Variants in FBXL20 observed in about 807,000 individuals in gnomAD.
FBXL20 encodes F-box and leucine rich repeat protein 20.
A neutral mutation model predicts 64.0 loss-of-function variants in FBXL20; 11 were observed. The ratio of observed to expected loss-of-function variants is 0.17; its 90% CI spans 0.11 to 0.28. The LOEUF is 0.28. FBXL20 is among the 10% of genes least tolerant of loss of function. The pLI is 1.00. For synonymous variants in FBXL20, 184 were observed against 189.0 expected, an observed-to-expected ratio of 0.97 and a Z score of 0.22; for missense variants, 303 against 526.2, an observed-to-expected ratio of 0.58 and a Z score of 4.15.
In FBXL20 at chr17:39,261,021, C is replaced by T. The variant is rs568791598; in HGVS notation, c.*439G>A. ...GATGCAAAGAAATTTTCTTTCTGGTCCCTGGGTACATCATATATTGTCTTT... is the reference window on the plus strand; with the variant it reads ...GATGCAAAGAAATTTTCTTTCTGGTTCCTGGGTACATCATATATTGTCTTT... On this transcript the variant is annotated 3_prime_UTR_variant, in exon 15 of 15. Coordinates refer to ENST00000264658, the MANE Select transcript of FBXL20 (RefSeq NM_032875.3). The T allele has an allele frequency of 1.2e-5, 2 of 163,198 alleles. No homozygotes were observed. Among genetic ancestry groups the T allele is most frequent in the African/African-American group, 4.8e-5 (2 of 41,608 alleles). The allele number at this position is 163,198 out of a possible 1,614,324, so 10.1% of individuals were successfully genotyped here.
intron 1 of FBXL20, among the ~76,000 whole-genome samples, chr17:39,355,498 A>T (rs1266025303): frequency 6.6e-6 from 1 of 152,100 alleles, no homozygotes; most frequent in Non-Finnish European, 1.5e-5. Flanking sequence ...CTGACACACT[A>T]CTGTTTTTAA....
rs1393680627 is a variant in FBXL20 at position 39,261,071 on chromosome 17, AC to A, written c.*388del. 1 of 190,074 alleles carries A rather than the reference AC, an allele frequency of 5.3e-6. No homozygotes were observed. Among genetic ancestry groups the A allele is most frequent in the Non-Finnish European group, 1.1e-5 (1 of 90,124 alleles). The allele number at this position is 190,074 out of a possible 1,614,324, so 11.8% of individuals were successfully genotyped here. On this transcript the variant is annotated 3_prime_UTR_variant, in exon 15 of 15. Coordinates refer to ENST00000264658, the MANE Select transcript of FBXL20 (RefSeq NM_032875.3). ...TCCATGCTTTTCTTGACCCCGGAGG[AC>A]AGCAGATGCTGTTCTAAAATCCCCA...
chr17:39,277,149 T>C (rs1417124128), intron 9 of FBXL20, among the ~76,000 whole-genome samples: 1 of 152,336 alleles, frequency 6.6e-6, no homozygotes, highest in African/African-American at 2.4e-5. Context: ...TTCAATATCA[T>C]GTAGCTGACA....
At chr17:39,292,616 C>T (rs1006573591) in intron 6 of FBXL20, among the ~76,000 whole-genome samples, 1 of 143,814 alleles carries the variant, frequency 7.0e-6, no homozygotes, top group Non-Finnish European at 1.5e-5. Context: ...ACTTCTGGGT[C>T]TATTTCTTTT....
intron 1 of FBXL20, among the ~76,000 whole-genome samples, chr17:39,388,979 CTA>C (rs1430748648): frequency 6.7e-6 from 1 of 150,360 alleles, no homozygotes; most frequent in Non-Finnish European, 1.5e-5. Context: ...TGGCAGGCGC[CTA>C]TAATCCCAGC....
chr17:39,311,761 C>T (rs2047237233), intron 2 of FBXL20, among the ~76,000 whole-genome samples: 1 of 152,180 alleles, frequency 6.6e-6, no homozygotes, highest in South Asian at 2.1e-4. Flanking sequence ...TTTGCCAAAA[C>T]ATCACTAACT....
intron 2 of FBXL20, among the ~76,000 whole-genome samples, chr17:39,326,118 T>A (rs1049903837): frequency 1.3e-5 from 2 of 152,090 alleles, no homozygotes; most frequent in African/African-American, 4.8e-5. Context: ...AGCTCCCCCT[T>A]TGCCTTCTGC....
At chr17:39,355,535 G>C (rs2047727364) in intron 1 of FBXL20, among the ~76,000 whole-genome samples, 1 of 151,448 alleles carries the variant, frequency 6.6e-6, no homozygotes, top group Admixed American at 6.6e-5. Flanking sequence ...TTTTTTTCTT[G>C]ATGTATCATG....
chr17:39,328,921 A>G (rs2047434989), intron 2 of FBXL20, among the ~76,000 whole-genome samples: 1 of 152,048 alleles, frequency 6.6e-6, no homozygotes, highest in Non-Finnish European at 1.5e-5. Context: ...AGGCATGGTG[A>G]GGCATGCCTG....
chr17:39,338,902 C>G (rs1202463621), intron 2 of FBXL20, among the ~76,000 whole-genome samples: 2 of 152,110 alleles, frequency 1.3e-5, no homozygotes, highest in South Asian at 2.1e-4. Context: ...TAAAACAGCT[C>G]ATGCCTGTAA....
intron 2 of FBXL20, among the ~76,000 whole-genome samples, chr17:39,327,400 A>T (rs1156878627): frequency 6.6e-6 from 1 of 152,216 alleles, no homozygotes. Flanking sequence ...CATATTATGG[A>T]GTTATATTTC....
chr17:39,261,173 T>TAA lies in FBXL20; in HGVS notation c.*286_*287insTT. On this transcript the variant is annotated 3_prime_UTR_variant, in exon 15 of 15. Transcript: ENST00000264658. ...TTTGCTGGAATGCCCCTCCCTATCT[T>TAA]GGCCTATGATTTTCTTATGGGCACC... The TAA allele has an allele frequency of 3.1e-6, 1 of 324,196 alleles. No homozygotes were observed. The highest frequency in any genetic ancestry group is 3.1e-5 in the South Asian group (1 of 32,232). 20.1% of individuals were successfully genotyped at this position (324,196 alleles called of 1,614,324 possible). A position where few individuals can be genotyped will look rare whatever the true frequency, so the allele number is the denominator to read the frequency against.
chr17:39,356,943 C>A (rs1275725748), intron 1 of FBXL20, among the ~76,000 whole-genome samples: 1 of 149,928 alleles, frequency 6.7e-6, no homozygotes, highest in African/African-American at 2.4e-5. Flanking sequence ...GGATTACAGG[C>A]ATGAGCTATC....
chr17:39,351,254 C>A (rs187714617), intron 1 of FBXL20, among the ~76,000 whole-genome samples: 7 of 149,122 alleles, frequency 4.7e-5, no homozygotes, highest in African/African-American at 1.7e-4. Flanking sequence ...GAGAATTGCT[C>A]GAAACCGGGA....
intron 2 of FBXL20, among the ~76,000 whole-genome samples, chr17:39,313,540 T>C (rs1388007964): frequency 1.3e-5 from 2 of 152,070 alleles, no homozygotes; most frequent in African/African-American, 4.8e-5. Flanking sequence ...GCCGAGATAA[T>C]TATCTTTAGA....
chr17:39,394,667 C>A (rs184340917), intron 1 of FBXL20, among the ~76,000 whole-genome samples: 1 of 151,846 alleles, frequency 6.6e-6, no homozygotes, highest in African/African-American at 2.4e-5. Context: ...CGGTTTCAAG[C>A]GATTCTCCCA....
intron 1 of FBXL20, among the ~76,000 whole-genome samples, chr17:39,352,412 G>C (rs1249901033): frequency 1.3e-5 from 2 of 152,010 alleles, no homozygotes; most frequent in African/African-American, 4.8e-5. Flanking sequence ...GCCATGCACA[G>C]TGGCTCACAA....
chr17:39,346,600 A>T lies in FBXL20; in HGVS notation c.43-3359T>A, dbSNP rs924978247. Reference sequence around the variant, plus strand: ...AAAAGAAACTGGAACAAAGATTGTTAAAAAAGCAACAATACTTAGTAACAA... The same window carrying T: ...AAAAGAAACTGGAACAAAGATTGTTTAAAAAGCAACAATACTTAGTAACAA... On this transcript the variant is annotated intron_variant, in intron 1 of 14. Transcript: ENST00000264658. Among the ~76,000 whole-genome samples, 8 of 152,314 alleles carry T rather than the reference A, an allele frequency of 5.3e-5. No homozygotes were observed. The East Asian group carries it at 1.3e-3, about 26-fold the overall frequency.
At chr17:39,332,352 T>G (rs966743705) in intron 2 of FBXL20, among the ~76,000 whole-genome samples, 3 of 152,130 alleles carry the variant, frequency 2.0e-5, no homozygotes, top group Non-Finnish European at 4.4e-5. Flanking sequence ...TTGGAAGGGT[T>G]CCTACCATTC....
Sources: gnomAD v4.1 joint callset for allele counts (sites outside exome capture counted in the v4.1 genomes callset) on GRCh38, gnomAD v4.1.1 for gene constraint, MANE v1.5 for transcripts, NCBI Gene and HGNC (gene_info 2026-07-23, HGNC 2026-07-21) for gene names.